The following UXS1 variants were observed in gnomAD, a reference collection of about 807,000 sequenced individuals.
The protein encoded by UXS1 is UDP-glucuronate decarboxylase 1, also known as UDP-glucuronic acid decarboxylase 1.
A neutral mutation model predicts 62.6 loss-of-function variants in UXS1; 33 were observed. The ratio of observed to expected loss-of-function variants is 0.53; its 90% confidence interval spans 0.40 to 0.70. The LOEUF is 0.70. Ranked by LOEUF, UXS1 falls within the 30% of genes least tolerant of loss-of-function variation. UXS1 has a pLI of 0.00. For synonymous variants in UXS1, 213 were observed against 206.8 expected, an observed-to-expected ratio of 1.03 and a Z score of -0.26; for missense variants, 434 against 556.3, an observed-to-expected ratio of 0.78 and a Z score of 2.21.
intron 10 of UXS1, among the ~76,000 whole-genome samples, chr2:106,110,432 T>C (rs1468608549): frequency 6.6e-6 from 1 of 152,212 alleles, no homozygotes; most frequent in African/African-American, 2.4e-5. Flanking sequence ...GAGGCTTTCA[T>C]GGTTTCCTCT....
At chr2:106,166,224 G>C (rs1424391673) in intron 1 of UXS1, 141 bp from the exon 2 acceptor site, 8 of 769,950 alleles carry the variant, frequency 1.0e-5, no homozygotes, top group African/African-American at 1.8e-5. Context: ...TGCATACTTT[G>C]TTTTCAAAAC....
intron 1 of UXS1, among the ~76,000 whole-genome samples, chr2:106,173,723 G>C (rs1310955389): frequency 6.6e-6 from 1 of 152,224 alleles, no homozygotes; most frequent in Non-Finnish European, 1.5e-5. Context: ...CTTTATTGAA[G>C]GACACAGAAA....
intron 1 of UXS1, among the ~76,000 whole-genome samples, chr2:106,181,201 C>CA (rs1684220011): frequency 6.6e-6 from 1 of 152,146 alleles, no homozygotes; most frequent in Admixed American, 6.5e-5. Context: ...TCAGGGCCCT[C>CA]ATCCTTACAG....
intron 6 of UXS1, chr2:106,138,276 A>C: frequency 2.0e-6 from 2 of 985,500 alleles, no homozygotes; most frequent in Non-Finnish European, 2.4e-6. Context: ...CCTTGGTCAG[A>C]AATAATCCCT....
At position 106,093,665 on chromosome 2, in the gene UXS1, G is replaced by A. The variant is rs1386703504; in HGVS notation, c.*361C>T. 4 of 178,576 alleles carry A rather than the reference G, an allele frequency of 2.2e-5. No homozygotes were observed. The East Asian group carries it at 4.5e-4, about 20-fold the overall frequency. The allele number at this position is 178,576 out of a possible 1,614,324, so 11.1% of individuals were successfully genotyped here. A position where few individuals can be genotyped will look rare whatever the true frequency, so the allele number is the denominator to read the frequency against. On this transcript the variant is annotated 3_prime_UTR_variant, in exon 15 of 15. Coordinates refer to ENST00000283148, the MANE Select transcript of UXS1 (RefSeq NM_001253875.2). ...AGTACCCACTTTCATAAATAAAATC[G>A]GCATTTTTTGTCCCGCTTAATGTTC...
intron 14 of UXS1, among the ~76,000 whole-genome samples, chr2:106,095,331 G>A (rs182248603): frequency 2.6e-5 from 4 of 152,146 alleles, no homozygotes; most frequent in African/African-American, 7.2e-5. Context: ...GGGATTATTC[G>A]ATTTTGTGAA....
intron 10 of UXS1, among the ~76,000 whole-genome samples, chr2:106,106,439 G>A (rs553668316): frequency 6.6e-6 from 1 of 151,014 alleles, no homozygotes; most frequent in East Asian, 1.9e-4. Flanking sequence ...CAGGTTCAAA[G>A]GCTATCTCTG....
intron 1 of UXS1, among the ~76,000 whole-genome samples, chr2:106,171,096 C>T (rs911215251): frequency 6.6e-6 from 1 of 152,090 alleles, no homozygotes; most frequent in African/African-American, 2.4e-5. Context: ...TTAAAAAATA[C>T]TTTGTATGTA....
At chr2:106,139,187 C>T (rs1385162612) in intron 6 of UXS1, among the ~76,000 whole-genome samples, 1 of 152,102 alleles carries the variant, frequency 6.6e-6, no homozygotes, top group Non-Finnish European at 1.5e-5. Context: ...GACAGAAAGG[C>T]AGCCCATTCA....
At chr2:106,152,724 T>A (rs1321084240) in intron 5 of UXS1, among the ~76,000 whole-genome samples, 2 of 151,858 alleles carry the variant, frequency 1.3e-5, no homozygotes, top group African/African-American at 4.8e-5. Context: ...GCCAAGAAAA[T>A]GAGAACCCCA....
At chr2:106,154,402 A>G (rs1213599109) in intron 5 of UXS1, among the ~76,000 whole-genome samples, 1 of 152,204 alleles carries the variant, frequency 6.6e-6, no homozygotes, top group Non-Finnish European at 1.5e-5. Flanking sequence ...GAGCCCCTAC[A>G]GACATATTTA....
intron 1 of UXS1, among the ~76,000 whole-genome samples, chr2:106,184,203 A>G (rs973042274): frequency 1.3e-5 from 2 of 152,206 alleles, no homozygotes; most frequent in African/African-American, 4.8e-5. Flanking sequence ...GAAAAAAATA[A>G]AAGTATAAAA....
chr2:106,094,436 C>T (rs1206518368), intron 14 of UXS1, among the ~76,000 whole-genome samples: 1 of 152,100 alleles, frequency 6.6e-6, no homozygotes, highest in South Asian at 2.1e-4. Context: ...CACAAAAGAC[C>T]CCGACTACCT....
chr2:106,110,908 G>C (rs41320344), intron 10 of UXS1, among the ~76,000 whole-genome samples: 39 of 152,312 alleles, frequency 2.6e-4, no homozygotes, highest in African/African-American at 9.1e-4. Context: ...CATCAAGAAG[G>C]TTCCCTTAAG....
chr2:106,163,735 G>A (rs980263508), intron 3 of UXS1, 25 bp from the exon 4 acceptor site: 2 of 1,398,642 alleles, frequency 1.4e-6, no homozygotes, highest in Admixed American at 3.3e-5. Context: ...ACAAAAATCA[G>A]TTTTAAAGCA....
At chr2:106,096,409 A>G (rs1677111684) in intron 14 of UXS1, among the ~76,000 whole-genome samples, 1 of 152,154 alleles carries the variant, frequency 6.6e-6, no homozygotes, top group Admixed American at 6.5e-5. Context: ...GTGTGAGTAT[A>G]TGTGTGTACA....
rs778680137 is a variant in UXS1, at chr2:106,098,701, A to G, written c.1042+15T>C. On this transcript the variant is annotated intron_variant, in intron 13 of 14. Coordinates refer to ENST00000283148, the MANE Select transcript of UXS1 (RefSeq NM_001253875.2). ...CACAGTCGATTTTACTCAGGAAATG[A>G]CTTATCCTACTTACCAACAAGGTTT... The G allele has an allele frequency of 5.0e-6, 8 of 1,598,260 alleles. No individual in the cohort carries two copies. The East Asian group carries it at 1.8e-4, about 36-fold the overall frequency.
At chr2:106,113,735 C>T (rs1489887543) in intron 9 of UXS1, among the ~76,000 whole-genome samples, 1 of 152,202 alleles carries the variant, frequency 6.6e-6, no homozygotes, top group African/African-American at 2.4e-5. Flanking sequence ...GGGCAGGGAG[C>T]CTGGGGCGTG....
chr2:106,121,821 G>C (rs768357335), intron 9 of UXS1, among the ~76,000 whole-genome samples: 6 of 152,196 alleles, frequency 3.9e-5, no homozygotes, highest in Non-Finnish European at 8.8e-5. Context: ...CACATGATGA[G>C]AAAGAGAGTC....
Sources: gnomAD v4.1 joint callset for allele counts (sites outside exome capture counted in the v4.1 genomes callset) on GRCh38, gnomAD v4.1.1 for gene constraint, MANE v1.5 for transcripts, NCBI Gene and HGNC (gene_info 2026-07-23, HGNC 2026-07-21) for gene names.